Variants in MYT1L observed in about 807,000 individuals in gnomAD.
The protein encoded by MYT1L is myelin transcription factor 1-like protein.
In MYT1L, 12 loss-of-function variants were observed where a neutral mutation model predicts 126.7. That is an observed-to-expected ratio of 0.09 (90% CI 0.06 to 0.15). The LOEUF (loss-of-function observed/expected upper bound fraction) is 0.15. MYT1L is among the 10% of genes least tolerant of loss of function. The pLI is 1.00. For missense variants in MYT1L, 979 were observed against 1,585.2 expected, an observed-to-expected ratio of 0.62 and a Z score of 6.49; for synonymous variants, 541 against 604.2, an observed-to-expected ratio of 0.90 and a Z score of 1.53.
chr2:2,033,035 C>G (rs1221705436), intron 4 of MYT1L, among the ~76,000 whole-genome samples: 2 of 133,562 alleles, frequency 1.5e-5, no homozygotes, highest in African/African-American at 5.8e-5. Flanking sequence ...AGAGCAGATT[C>G]TAGAAGGAGG....
intron 3 of MYT1L, among the ~76,000 whole-genome samples, chr2:2,159,506 C>G (rs1217721987): frequency 2.0e-5 from 3 of 151,752 alleles, no homozygotes; most frequent in Middle Eastern, 3.2e-3. Context: ...TGCCCCATCC[C>G]CAGACGCTGG....
intron 3 of MYT1L, among the ~76,000 whole-genome samples, chr2:2,081,792 T>G (rs1359469599): frequency 6.6e-6 from 1 of 152,140 alleles, no homozygotes; most frequent in Non-Finnish European, 1.5e-5. Context: ...CAGGCTGGAG[T>G]GCAGTGGTGT....
chr2:1,844,193 C>A (rs1351449010), intron 19 of MYT1L, among the ~76,000 whole-genome samples: 1 of 152,172 alleles, frequency 6.6e-6, no homozygotes, highest in African/African-American at 2.4e-5. Flanking sequence ...CCATCCCTAG[C>A]ACAGCAGGAC....
chr2:1,863,744 G>C (rs1411477440), intron 18 of MYT1L, among the ~76,000 whole-genome samples: 3 of 150,524 alleles, frequency 2.0e-5, no homozygotes, highest in Non-Finnish European at 3.0e-5. Flanking sequence ...ACAAAAAAGG[G>C]GGGGGCATTT....
At chr2:2,225,874 A>G (rs961110368) in intron 2 of MYT1L, among the ~76,000 whole-genome samples, 1 of 152,228 alleles carries the variant, frequency 6.6e-6, no homozygotes, top group Admixed American at 6.5e-5. Flanking sequence ...TCTGCTATGA[A>G]GTAGGAACTT....
At chr2:2,202,186 A>G (rs2093109604) in intron 2 of MYT1L, among the ~76,000 whole-genome samples, 1 of 152,122 alleles carries the variant, frequency 6.6e-6, no homozygotes, top group Non-Finnish European at 1.5e-5. Flanking sequence ...TCTAAAATTG[A>G]CACCCTAACA....
Position 1,917,415 on chromosome 2 carries a change from G to A in MYT1L, c.1484-76C>T. The A allele has an allele frequency of 1.3e-6, 2 of 1,500,442 alleles. No individual in the cohort carries two copies. Among genetic ancestry groups the A allele is most frequent in the South Asian group, 2.6e-5 (2 of 77,458 alleles). 92.9% of individuals were successfully genotyped at this position (1,500,442 alleles called of 1,614,324 possible). On this transcript the variant is annotated intron_variant, in intron 10 of 24. Coordinates refer to ENST00000647738, the MANE Select transcript of MYT1L (RefSeq NM_001303052.2). The surrounding 1 kb of genome is among the most constrained non-coding windows in gnomAD (Gnocchi z 5.9). ...AAATGTGATTATTTCACAATCTGAA[G>A]AAACCTTGCTAAAGAAAGAAATAAA...
intron 18 of MYT1L, among the ~76,000 whole-genome samples, chr2:1,882,280 C>T (rs747265626): frequency 2.0e-5 from 3 of 152,160 alleles, no homozygotes; most frequent in Non-Finnish European, 2.9e-5. Flanking sequence ...GTGACCCACA[C>T]CCGAGAAACC....
At chr2:2,279,046 C>T (rs1384357441) in intron 2 of MYT1L, among the ~76,000 whole-genome samples, 1 of 152,186 alleles carries the variant, frequency 6.6e-6, no homozygotes, top group Admixed American at 6.5e-5. Context: ...ACCTGGGAGG[C>T]CCTGGACCAT....
At position 2,105,130 on chromosome 2, in the gene MYT1L, T is replaced by C. The variant is rs2078589327; in HGVS notation, c.-303-51007A>G. On this transcript the variant is annotated intron_variant, in intron 3 of 24. Coordinates refer to ENST00000647738, the MANE Select transcript of MYT1L (RefSeq NM_001303052.2). Reference sequence around the variant, plus strand: ...TCTAAGACAAGAGTGACTCCATTAATCTTCAGAGAATGCAGTTTCACAGTG... The same window carrying C: ...TCTAAGACAAGAGTGACTCCATTAACCTTCAGAGAATGCAGTTTCACAGTG... Among the ~76,000 whole-genome samples the C allele has an allele frequency of 8.5e-5, 13 of 152,238 alleles. 1 individual carries two copies. Among genetic ancestry groups the C allele is most frequent in the Admixed American group, 8.5e-4 (13 of 15,284 alleles).
intron 2 of MYT1L, among the ~76,000 whole-genome samples, chr2:2,202,375 C>G (rs1559323264): frequency 6.6e-6 from 1 of 151,976 alleles, no homozygotes; most frequent in Non-Finnish European, 1.5e-5. Flanking sequence ...AGACCACTAG[C>G]AAGACTAATA....
intron 2 of MYT1L, among the ~76,000 whole-genome samples, chr2:2,231,286 T>TTCCG (rs2094153997): frequency 6.6e-6 from 1 of 152,224 alleles, no homozygotes; most frequent in Non-Finnish European, 1.5e-5. Context: ...CCCATTCATT[T>TTCCG]TCCGTCTGTC....
chr2:2,252,317 A>G (rs2149225152), intron 2 of MYT1L, among the ~76,000 whole-genome samples: 1 of 152,286 alleles, frequency 6.6e-6, no homozygotes, highest in African/African-American at 2.4e-5. Flanking sequence ...TTCCAGGCTA[A>G]GATTCAGCCC....
At chr2:2,038,628 T>C (rs2067157224) in intron 4 of MYT1L, among the ~76,000 whole-genome samples, 1 of 152,172 alleles carries the variant, frequency 6.6e-6, no homozygotes, top group Non-Finnish European at 1.5e-5. Context: ...TTATGTGTAG[T>C]CATCAGTCAG....
At chr2:2,312,323 T>G (rs1465790859) in intron 1 of MYT1L, among the ~76,000 whole-genome samples, 16 of 152,148 alleles carry the variant, frequency 1.1e-4, no homozygotes, top group Non-Finnish European at 1.5e-5. Context: ...CTGCATGCAC[T>G]TCTATGGCCC....
intron 3 of MYT1L, among the ~76,000 whole-genome samples, chr2:2,164,164 T>C (rs2088587852): frequency 6.6e-6 from 1 of 152,216 alleles, no homozygotes; most frequent in South Asian, 2.1e-4. Context: ...GTAAAGCTGT[T>C]GGAGTGTTTA....
chr2:1,807,436 C>T (rs1380048732), intron 22 of MYT1L, among the ~76,000 whole-genome samples: 1 of 152,080 alleles, frequency 6.6e-6, no homozygotes. Context: ...AGGAGGTGCC[C>T]TTTGGTAAAG....
rs1164901434 is a variant in MYT1L, at chr2:1,801,275, CAGACACCCAGG to C, written c.3276+410_3276+420del. 6.4e-6 allele frequency: 1 copy of C among 155,824 alleles called. No individual in the cohort carries two copies. Among genetic ancestry groups the C allele is most frequent in the Non-Finnish European group, 1.4e-5 (1 of 70,708 alleles). The allele number at this position is 155,824 out of a possible 1,614,324, so 9.7% of individuals were successfully genotyped here. A position where few individuals can be genotyped will look rare whatever the true frequency, so the allele number is the denominator to read the frequency against. On this transcript the variant is annotated intron_variant, in intron 23 of 24. Coordinates refer to ENST00000647738, the MANE Select transcript of MYT1L (RefSeq NM_001303052.2). This position sits in a 1 kb window ranked among gnomAD's most constrained non-coding sequence, Gnocchi z 4.2. ...TCACTGGGGCCACTTCCCCAAATCC[CAGACACCCAGG>C]AGTCCTATGTGGCAGGCACTCCTTG... is the stretch of plus-strand genomic sequence containing the variant.
chr2:2,006,954 A>G (rs1159199312), intron 4 of MYT1L, among the ~76,000 whole-genome samples: 1 of 152,090 alleles, frequency 6.6e-6, no homozygotes, highest in Admixed American at 6.6e-5. Context: ...TCTGACTTAT[A>G]TTACGTAGTA....
Sources: allele counts gnomAD v4.1 joint callset (sites outside exome capture counted in the v4.1 genomes callset), GRCh38; gene constraint gnomAD v4.1.1; non-coding constraint Gnocchi (gnomAD v3.1); transcripts MANE v1.5; gene names NCBI Gene and HGNC (gene_info 2026-07-23, HGNC 2026-07-21).